Variants in PLXDC2 observed in about 807,000 individuals in gnomAD.
PLXDC2 encodes the protein plexin domain containing 2.
PLXDC2 carries 40 observed loss-of-function variants against 68.9 expected under a neutral mutation model. The ratio of observed to expected loss-of-function variants is 0.58; its 90% CI spans 0.45 to 0.76. The LOEUF (loss-of-function observed/expected upper bound fraction) is 0.76. PLXDC2 is among the 30% of genes least tolerant of loss of function. The pLI, the probability that PLXDC2 is intolerant of heterozygous loss-of-function variation, is 0.00. For synonymous variants in PLXDC2, 243 were observed against 234.2 expected, an observed-to-expected ratio of 1.04 and a Z score of -0.34; for missense variants, 644 against 661.9, an observed-to-expected ratio of 0.97 and a Z score of 0.30.
chr10:20,209,494 T>G (rs961600854), intron 9 of PLXDC2, among the ~76,000 whole-genome samples: 5 of 151,340 alleles, frequency 3.3e-5, no homozygotes, highest in African/African-American at 1.2e-4. Context: ...AGTTGCACAT[T>G]GTGCACATGT....
chr10:19,883,934 C>A (rs1197552286), intron 1 of PLXDC2, among the ~76,000 whole-genome samples: 1 of 115,500 alleles, frequency 8.7e-6, no homozygotes, highest in Non-Finnish European at 1.7e-5. Context: ...CTGACTCCTG[C>A]CCTGGCTGGA....
At chr10:20,250,645 G>A (rs914520951) in intron 13 of PLXDC2, among the ~76,000 whole-genome samples, 1 of 152,186 alleles carries the variant, frequency 6.6e-6, no homozygotes, top group African/African-American at 2.4e-5. Context: ...CCACCAGGCT[G>A]TGCTGCCTCT....
chr10:20,174,881 A>T (rs911919113), intron 7 of PLXDC2, among the ~76,000 whole-genome samples: 4 of 152,162 alleles, frequency 2.6e-5, no homozygotes, highest in Non-Finnish European at 2.9e-5. Flanking sequence ...TCGGATGAGT[A>T]GGTATCTTCC....
intron 2 of PLXDC2, among the ~76,000 whole-genome samples, chr10:20,044,137 T>TTCCTTCCTCC (rs1447644338): frequency 5.8e-5 from 8 of 136,766 alleles, no homozygotes; most frequent in African/African-American, 1.8e-4. Context: ...CCTCCCTCCC[T>TTCCTTCCTCC]CTCTCTCTTT....
chr10:19,930,492 T>C (rs1272041712), intron 1 of PLXDC2, among the ~76,000 whole-genome samples: 1 of 152,140 alleles, frequency 6.6e-6, no homozygotes, highest in Non-Finnish European at 1.5e-5. Flanking sequence ...ATATTTGTAC[T>C]CAGAATTTTT....
At position 20,112,413 on chromosome 10, in the gene PLXDC2, T is replaced by C. The variant is rs557580152; in HGVS notation, c.542-30882T>C. On this transcript the variant is annotated intron_variant, in intron 4 of 13. Transcript: ENST00000377252. Reference sequence around the variant, plus strand: ...AGCCTCATTTTGGATTTCAAATTTCTCCTCTTCCTGAATGTACAGACTTGA... The same window carrying C: ...AGCCTCATTTTGGATTTCAAATTTCCCCTCTTCCTGAATGTACAGACTTGA... 5.3e-5 allele frequency among the ~76,000 whole-genome samples: 8 copies of C among 152,256 alleles called. No individual in the cohort carries two copies. In the East Asian group the frequency reaches 1.5e-3, roughly 29 times the overall value.
intron 1 of PLXDC2, among the ~76,000 whole-genome samples, chr10:19,938,720 T>A (rs1833768908): frequency 1.3e-5 from 2 of 152,214 alleles, no homozygotes; most frequent in Non-Finnish European, 2.9e-5. Context: ...GTGGATAGTC[T>A]TGAAATGTAA....
intron 1 of PLXDC2, among the ~76,000 whole-genome samples, chr10:19,818,168 A>G (rs541355123): frequency 2.0e-5 from 3 of 152,108 alleles, no homozygotes; most frequent in Non-Finnish European, 4.4e-5. Flanking sequence ...TGGAGGGAAA[A>G]GAAAAGAAAA....
intron 2 of PLXDC2, among the ~76,000 whole-genome samples, chr10:20,008,162 G>A (rs1165264177): frequency 6.6e-6 from 1 of 152,154 alleles, no homozygotes; most frequent in African/African-American, 2.4e-5. Flanking sequence ...GCTAATTGCT[G>A]TACACAAGGT....
chr10:20,139,337 G>A (rs1833971489), intron 4 of PLXDC2, among the ~76,000 whole-genome samples: 1 of 152,216 alleles, frequency 6.6e-6, no homozygotes, highest in Admixed American at 6.5e-5. Flanking sequence ...TCTTTTAAAT[G>A]AAGGTGTCTT....
intron 1 of PLXDC2, among the ~76,000 whole-genome samples, chr10:19,821,513 T>C (rs6482065): frequency 0.73 from 111,232 of 152,120 alleles, 41,400 homozygotes; most frequent in African/African-American, 0.86. Flanking sequence ...TCTATTAGAC[T>C]AGACCATACA....
In PLXDC2 at chr10:19,824,781, A is replaced by G. The variant is rs1589485594; in HGVS notation, c.112+7590A>G. Among the ~76,000 whole-genome samples, 4 of 152,256 alleles carry G rather than the reference A, an allele frequency of 2.6e-5. No homozygotes were observed. In the East Asian group the frequency reaches 7.7e-4, roughly 29 times the overall value. ...AAATATTCCACATGTGTTTATAACC[A>G]GACAGTGAACTCATTTCATATTTAT... On this transcript the variant is annotated intron_variant, in intron 1 of 13. Coordinates refer to ENST00000377252, the MANE Select transcript of PLXDC2 (RefSeq NM_032812.9).
rs143687656 is a variant in PLXDC2 at position 20,245,418 on chromosome 10, C to A, written c.1386C>A (p.Ile462=). Residue 462 remains isoleucine, a synonymous_variant, in exon 13 of 14, where the codon ATC becomes ATA. Transcript: ENST00000377252. The part of the protein sequence containing the change: ...LHAGLIIGIL[I]LVLIVATAIL... Reference sequence around the variant, plus strand: ...CTGGCCTCATCATTGGAATCCTCATCCTGGTCCTCATTGTAGCCACAGCCA... The same window carrying A: ...CTGGCCTCATCATTGGAATCCTCATACTGGTCCTCATTGTAGCCACAGCCA... 34 of 1,613,852 alleles carry A rather than the reference C, an allele frequency of 2.1e-5. No individual in the cohort carries two copies. The highest frequency in any genetic ancestry group is 3.4e-6 in the Non-Finnish European group (4 of 1,179,974).
intron 3 of PLXDC2, among the ~76,000 whole-genome samples, chr10:20,053,634 C>G (rs112514321): frequency 1.3e-3 from 192 of 152,210 alleles, no homozygotes; most frequent in African/African-American, 4.4e-3. Context: ...TCTGGACACA[C>G]AGTTTGATTC....
chr10:19,878,360 AAAAAT>A (rs1837672222), intron 1 of PLXDC2, among the ~76,000 whole-genome samples: 1 of 152,166 alleles, frequency 6.6e-6, no homozygotes, highest in African/African-American at 2.4e-5. Flanking sequence ...ACCAGTATAC[AAAAAT>A]AAAATAAAAT....
intron 4 of PLXDC2, among the ~76,000 whole-genome samples, chr10:20,136,188 T>G (rs188485272): frequency 6.6e-6 from 1 of 152,344 alleles, no homozygotes; most frequent in African/African-American, 2.4e-5. Context: ...CATAGTGAAC[T>G]ATGTGGTCTA....
intron 1 of PLXDC2, among the ~76,000 whole-genome samples, chr10:19,936,866 A>T (rs1833734232): frequency 6.6e-6 from 1 of 152,234 alleles, no homozygotes; most frequent in African/African-American, 2.4e-5. Context: ...ATCCAGAGAT[A>T]CTTCATATAT....
At position 20,285,295 on chromosome 10, in the gene PLXDC2, A is replaced by G. The variant is rs1476329747; in HGVS notation, c.*5476A>G. 6.6e-6 allele frequency: 1 copy of G among 152,202 alleles called. No individual in the cohort carries two copies. The highest frequency in any genetic ancestry group is 2.4e-5 in the African/African-American group (1 of 41,452). 9.4% of individuals were successfully genotyped at this position (152,202 alleles called of 1,614,324 possible). On this transcript the variant is annotated 3_prime_UTR_variant, in exon 14 of 14. Transcript: ENST00000377252. ...ATCTCCCTATTTGTTCATTTATTTA[A>G]CTGTTCAGTTCACTGAAATATTTAT...
chr10:19,968,663 T>C (rs554579889), intron 1 of PLXDC2, among the ~76,000 whole-genome samples: 1 of 152,296 alleles, frequency 6.6e-6, no homozygotes, highest in African/African-American at 2.4e-5. Context: ...TTTGAACTTA[T>C]TCAGCAACTG....
Sources: allele counts gnomAD v4.1 joint callset (sites outside exome capture counted in the v4.1 genomes callset), GRCh38; gene constraint gnomAD v4.1.1; transcripts MANE v1.5; gene names NCBI Gene and HGNC (gene_info 2026-07-23, HGNC 2026-07-21).